The following WWOX variants were observed in gnomAD, a reference collection of about 807,000 sequenced individuals.
WWOX encodes the protein WW domain-containing oxidoreductase.
A neutral mutation model predicts 46.2 loss-of-function variants in WWOX; 69 were observed. That is an observed-to-expected ratio of 1.49 (90% CI 1.23 to 1.82). The LOEUF is 1.82. Ranked by LOEUF, WWOX falls within the 40% of genes most tolerant of loss-of-function variation. The pLI is 0.00. For missense variants in WWOX, 919 were observed against 542.6 expected, an observed-to-expected ratio of 1.69 and a Z score of -6.89; for synonymous variants, 359 against 202.6, an observed-to-expected ratio of 1.77 and a Z score of -6.56.
chr16:78,128,093 G>T (rs1285504276), intron 4 of WWOX, among the ~76,000 whole-genome samples: 1 of 152,140 alleles, frequency 6.6e-6, no homozygotes, highest in African/African-American at 2.4e-5. Context: ...AGTTATAGAA[G>T]AAAGACTCCT....
intron 8 of WWOX, among the ~76,000 whole-genome samples, chr16:79,095,860 CTTTTTT>C (rs775730124): frequency 5.6e-4 from 66 of 118,480 alleles, no homozygotes; most frequent in African/African-American, 1.9e-3. Context: ...CTCTCTCTCT[CTTTTTT>C]TTTTTTTTTT....
At chr16:78,414,363 G>A (rs970023232) in intron 6 of WWOX, among the ~76,000 whole-genome samples, 10 of 152,172 alleles carry the variant, frequency 6.6e-5, no homozygotes, top group African/African-American at 2.2e-4. Context: ...GAGGTCAGGA[G>A]TTCAAGACCA....
At chr16:78,176,492 A>G (rs1232664517) in intron 5 of WWOX, among the ~76,000 whole-genome samples, 2 of 152,200 alleles carry the variant, frequency 1.3e-5, no homozygotes, top group African/African-American at 2.4e-5. Flanking sequence ...CAATTCTCAG[A>G]TTCTAATTGT....
intron 8 of WWOX, among the ~76,000 whole-genome samples, chr16:78,443,726 G>T (rs529068882): frequency 1.6e-4 from 25 of 152,262 alleles, no homozygotes; most frequent in Middle Eastern, 6.8e-3. Context: ...CTTTTCTTCT[G>T]TGTGCCCGTT....
chr16:78,323,092 TG>T (rs2080523308), intron 5 of WWOX, among the ~76,000 whole-genome samples: 1 of 151,946 alleles, frequency 6.6e-6, no homozygotes, highest in Non-Finnish European at 1.5e-5. Context: ...TGCTATGATT[TG>T]GGGTTCTTGT....
At chr16:78,513,640 T>A (rs1316698067) in intron 8 of WWOX, among the ~76,000 whole-genome samples, 1 of 152,198 alleles carries the variant, frequency 6.6e-6, no homozygotes, top group Non-Finnish European at 1.5e-5. Context: ...GTCCCACTGA[T>A]ACTTACAAAT....
At chr16:79,062,417 T>C (rs2048371949) in intron 8 of WWOX, among the ~76,000 whole-genome samples, 1 of 151,886 alleles carries the variant, frequency 6.6e-6, no homozygotes. Context: ...GCAGAGACTG[T>C]TTGCCAGGGA....
At chr16:78,975,205 C>A (rs574636983) in intron 8 of WWOX, among the ~76,000 whole-genome samples, 2 of 152,206 alleles carry the variant, frequency 1.3e-5, no homozygotes, top group African/African-American at 4.8e-5. Flanking sequence ...TACGAATTAG[C>A]CTCATCTGGT....
At chr16:78,391,657 G>T (rs917366600) in intron 6 of WWOX, among the ~76,000 whole-genome samples, 1 of 152,156 alleles carries the variant, frequency 6.6e-6, no homozygotes, top group South Asian at 2.1e-4. Context: ...AGAACAGCCT[G>T]GCCAACATGG....
chr16:78,360,508 C>A (rs1597097664), intron 5 of WWOX, among the ~76,000 whole-genome samples: 1 of 146,058 alleles, frequency 6.8e-6, no homozygotes, highest in Non-Finnish European at 1.5e-5. Context: ...TCACTTGAAG[C>A]TGGGAGCTGG....
chr16:78,280,037 C>T (rs2079648252), intron 5 of WWOX, among the ~76,000 whole-genome samples: 1 of 152,238 alleles, frequency 6.6e-6, no homozygotes, highest in South Asian at 2.1e-4. Flanking sequence ...TCTGTTCTCA[C>T]CAGGCAACTG....
chr16:79,154,198 A>C lies in WWOX; in HGVS notation c.1057-57410A>C, dbSNP rs2050336173. ...ATGCCACTACAGATCGACACCCACT[A>C]AATCCTTTTAATTTAGTCTAGTGCA... On this transcript the variant is annotated intron_variant, in intron 8 of 8. Transcript: ENST00000566780. Among the ~76,000 whole-genome samples, 3 of 152,220 alleles carry C rather than the reference A, an allele frequency of 2.0e-5. 1 individual carries two copies. The highest frequency in any genetic ancestry group is 4.4e-5 in the Non-Finnish European group (3 of 68,032).
At chr16:78,875,058 C>T (rs114184873) in intron 8 of WWOX, among the ~76,000 whole-genome samples, 10 of 152,104 alleles carry the variant, frequency 6.6e-5, no homozygotes, top group African/African-American at 2.4e-4. Context: ...TCATTTGCAG[C>T]AGGACAACTC....
At chr16:78,554,761 T>C (rs753682373) in intron 8 of WWOX, among the ~76,000 whole-genome samples, 15 of 152,164 alleles carry the variant, frequency 9.9e-5, no homozygotes, top group Non-Finnish European at 2.2e-4. Flanking sequence ...CCTTCTTCTC[T>C]ATTTCTGAGT....
At chr16:79,153,100 T>C (rs1273998110) in intron 8 of WWOX, among the ~76,000 whole-genome samples, 3 of 152,128 alleles carry the variant, frequency 2.0e-5, no homozygotes, top group Non-Finnish European at 4.4e-5. Context: ...CCAAACTCAC[T>C]TGAGTACACG....
chr16:78,256,546 C>CCT (rs1442903276), intron 5 of WWOX, among the ~76,000 whole-genome samples: 1 of 151,604 alleles, frequency 6.6e-6, no homozygotes, highest in Non-Finnish European at 1.5e-5. Context: ...ATGTAATGAC[C>CCT]CTCTCCTGGC....
At chr16:78,578,880 T>C (rs2044974604) in intron 8 of WWOX, among the ~76,000 whole-genome samples, 1 of 152,154 alleles carries the variant, frequency 6.6e-6, no homozygotes, top group Non-Finnish European at 1.5e-5. Flanking sequence ...ATGGGAAAGG[T>C]GCATCTCTAC....
intron 8 of WWOX, among the ~76,000 whole-genome samples, chr16:78,953,314 C>A (rs975375683): frequency 6.6e-6 from 1 of 151,722 alleles, no homozygotes; most frequent in East Asian, 1.9e-4. Context: ...GGGTGGGGGG[C>A]ATGTTTAACC....
At chr16:78,508,489 C>T (rs924755410) in intron 8 of WWOX, among the ~76,000 whole-genome samples, 3 of 152,088 alleles carry the variant, frequency 2.0e-5, no homozygotes, top group African/African-American at 7.2e-5. Flanking sequence ...GCTAATTGCT[C>T]TGCAGAACAG....
Sources: gnomAD v4.1 joint callset for allele counts (sites outside exome capture counted in the v4.1 genomes callset) on GRCh38, gnomAD v4.1.1 for gene constraint, MANE v1.5 for transcripts, NCBI Gene and HGNC (gene_info 2026-07-23, HGNC 2026-07-21) for gene names.